Variants in PDGFRA observed in about 807,000 individuals in gnomAD.
The protein encoded by PDGFRA is platelet-derived growth factor receptor alpha.
PDGFRA carries 25 observed loss-of-function variants against 121.5 expected under a neutral mutation model. The ratio of observed to expected loss-of-function variants is 0.21; its 90% CI spans 0.15 to 0.29. The LOEUF (loss-of-function observed/expected upper bound fraction) is 0.29. PDGFRA is among the 10% of genes least tolerant of loss of function. The pLI is 1.00. For synonymous variants in PDGFRA, 463 were observed against 494.8 expected, an observed-to-expected ratio of 0.94 and a Z score of 0.85; for missense variants, 1,008 against 1,345.1, an observed-to-expected ratio of 0.75 and a Z score of 3.92.
At chr4:54,278,273 T>G in intron 14 of PDGFRA, 89 bp from the exon 15 acceptor site, 1 of 959,606 alleles carries the variant, frequency 1.0e-6, no homozygotes, top group South Asian at 1.4e-5. Context: ...TATCTTATTT[T>G]TTTCTGTGCC....
intron 21 of PDGFRA, 70 bp downstream of exon 21, chr4:54,289,184 C>T (rs1004628863): frequency 6.3e-5 from 57 of 911,806 alleles, no homozygotes; most frequent in African/African-American, 2.3e-4. Context: ...TGTGCTGTTC[C>T]GCAGTTCTAG....
At chr4:54,269,360 A>T (rs1410785526) in intron 7 of PDGFRA, among the ~76,000 whole-genome samples, 1 of 152,124 alleles carries the variant, frequency 6.6e-6, no homozygotes, top group Non-Finnish European at 1.5e-5. Flanking sequence ...ACACAAGGAA[A>T]CTGAGGCATG....
At chr4:54,278,340 C>T (rs757334730) in intron 14 of PDGFRA, 22 bp from the exon 15 acceptor site, 1 of 1,603,686 alleles carries the variant, frequency 6.2e-7, no homozygotes, top group South Asian at 1.1e-5. Context: ...TACCCATCTC[C>T]TAACGGCTTT....
At chr4:54,260,397 G>GTTTTTTTTTT (rs68009440) in intron 2 of PDGFRA, among the ~76,000 whole-genome samples, 1 of 64,562 alleles carries the variant, frequency 1.5e-5, no homozygotes, top group African/African-American at 6.8e-5. Flanking sequence ...TTCCATGTGG[G>GTTTTTTTTTT]TTTTTTTTTT....
intron 14 of PDGFRA, 92 bp downstream of exon 14, chr4:54,278,098 C>T (rs1723840093): frequency 1.2e-6 from 1 of 812,540 alleles, no homozygotes; most frequent in South Asian, 1.4e-5. Flanking sequence ...CTCTCCATCC[C>T]CACACATGGC....
chr4:54,260,992 A>T, intron 2 of PDGFRA, 103 bp from the exon 3 acceptor site: 7 of 1,030,306 alleles, frequency 6.8e-6, no homozygotes, highest in Non-Finnish European at 1.0e-5. Flanking sequence ...TTGTGTAGAA[A>T]TGGTCATTGT....
intron 1 of PDGFRA, 51 bp from the exon 2 acceptor site, chr4:54,258,706 G>C (rs1722511402): frequency 1.9e-6 from 2 of 1,078,212 alleles, no homozygotes; most frequent in African/African-American, 3.1e-5. Flanking sequence ...CTAGGCTCCA[G>C]GGTTGTTTCT....
chr4:54,245,399 G>A (rs1721581731), intron 1 of PDGFRA, among the ~76,000 whole-genome samples: 1 of 152,060 alleles, frequency 6.6e-6, no homozygotes, highest in Non-Finnish European at 1.5e-5. Flanking sequence ...AGAGAGTGGG[G>A]GCCAATATTC....
chr4:54,290,597 C>T, intron 22 of PDGFRA, 43 bp downstream of exon 22: 2 of 1,611,460 alleles, frequency 1.2e-6, no homozygotes, highest in Non-Finnish European at 1.7e-6. Flanking sequence ...TTCCCCTCCC[C>T]TATAGGCCCT....
intron 1 of PDGFRA, chr4:54,240,239 C>G (rs575816246): frequency 3.8e-4 from 67 of 176,866 alleles, no homozygotes; most frequent in African/African-American, 1.5e-3. Flanking sequence ...TTTGCCTTGG[C>G]TATTTGGCAA....
At chr4:54,233,886 C>T (rs1189383580) in intron 1 of PDGFRA, among the ~76,000 whole-genome samples, 1 of 152,162 alleles carries the variant, frequency 6.6e-6, no homozygotes, top group Admixed American at 6.5e-5. Flanking sequence ...ACAGTCGTTT[C>T]CAATCAGCTG....
In PDGFRA at chr4:54,297,762, A is replaced by G. The variant is rs776921718; in HGVS notation, c.*2490A>G. On this transcript the variant is annotated 3_prime_UTR_variant, in exon 23 of 23. Coordinates refer to ENST00000257290, the MANE Select transcript of PDGFRA (RefSeq NM_006206.6). ...ATCTTTCCTACTTTCTATTTTTATG[A>G]TGACAATCAAAGCCGGCCTGAGAAA... The G allele has an allele frequency of 1.8e-4, 41 of 233,524 alleles. No homozygotes were observed. The highest frequency in any genetic ancestry group is 3.0e-4 in the Non-Finnish European group (36 of 118,052). 14.5% of individuals were successfully genotyped at this position (233,524 alleles called of 1,614,324 possible).
At chr4:54,274,090 T>C (rs1325698032) in intron 10 of PDGFRA, among the ~76,000 whole-genome samples, 1 of 152,146 alleles carries the variant, frequency 6.6e-6, no homozygotes, top group Non-Finnish European at 1.5e-5. Context: ...GTGGATGGAG[T>C]GTGGGGAAGG....
Position 54,280,060 on chromosome 4 carries a change from T to C in PDGFRA, c.2157-256T>C, listed in dbSNP as rs187984708. Among the ~76,000 whole-genome samples the C allele has an allele frequency of 2.6e-3, 389 of 152,310 alleles. 3 individuals carry two copies. The highest frequency in any genetic ancestry group is 8.9e-3 in the African/African-American group (370 of 41,558). ...TATAAACATGTGTGTGCAAGTATCT[T>C]TTTAGTATGACTTCCTTTCCTCTGG... On this transcript the variant is annotated intron_variant, in intron 15 of 22. Coordinates refer to ENST00000257290, the MANE Select transcript of PDGFRA (RefSeq NM_006206.6).
At chr4:54,290,680 G>A in intron 22 of PDGFRA, 126 bp downstream of exon 22, 1 of 1,053,638 alleles carries the variant, frequency 9.5e-7, no homozygotes, top group African/African-American at 1.6e-5. Flanking sequence ...ACAAGTTGCA[G>A]AATCCTCAGG....
chr4:54,265,103 G>T, intron 5 of PDGFRA, 54 bp downstream of exon 5: 1 of 1,590,276 alleles, frequency 6.3e-7, no homozygotes, highest in Non-Finnish European at 8.6e-7. Context: ...GGGCTCAGAA[G>T]ACCTGCATTT....
rs773679384 is a variant in PDGFRA, at chr4:54,278,399, A to C, written c.2040A>C (p.Gly680=). 6.2e-6 allele frequency: 10 copies of C among 1,613,476 alleles called. No individual in the cohort carries two copies. The South Asian group carries it at 1.1e-4, about 18-fold the overall frequency. Residue 680 remains glycine (G), a synonymous_variant, in exon 15 of 23, where the codon GGA becomes GGC. Transcript: ENST00000257290. ...TCATCACAGAGTATTGCTTCTATGG[A>C]GATTTGGTCAACTATTTGCATAAGA... ...IYIITEYCFY[G]DLVNYLHKNR... is the part of the protein sequence containing the mutation.
intron 7 of PDGFRA, among the ~76,000 whole-genome samples, chr4:54,268,849 T>C (rs1239224297): frequency 6.6e-6 from 1 of 152,188 alleles, no homozygotes; most frequent in Non-Finnish European, 1.5e-5. Context: ...CCAACACGTG[T>C]GTGAGCACTG....
At chr4:54,276,980 T>G (rs868651474) in intron 12 of PDGFRA, among the ~76,000 whole-genome samples, 12 of 152,154 alleles carry the variant, frequency 7.9e-5, no homozygotes, top group Admixed American at 3.3e-4. Flanking sequence ...GTATTTCCAG[T>G]GGCTAGTAAT....
Sources: gnomAD v4.1 joint callset for allele counts (sites outside exome capture counted in the v4.1 genomes callset) on GRCh38, gnomAD v4.1.1 for gene constraint, MANE v1.5 for transcripts, NCBI Gene and HGNC (gene_info 2026-07-23, HGNC 2026-07-21) for gene names.